The following TBCK variants were observed in gnomAD, a reference collection of about 807,000 sequenced individuals.
TBCK encodes the protein TBC1 domain containing kinase.
In TBCK, 99 loss-of-function variants were observed where a neutral mutation model predicts 113.4. The observed-to-expected ratio is 0.87, with a 90% CI of 0.74 to 1.03. The LOEUF (loss-of-function observed/expected upper bound fraction) is 1.03, where lower values mean the gene tolerates loss of function less well. Ranked by LOEUF, TBCK falls within the 50% of genes least tolerant of loss-of-function variation. The probability of loss-of-function intolerance (pLI) is 0.00; values close to 1 mark genes in which losing one functional copy is unlikely to be tolerated. For synonymous variants in TBCK, 369 were observed against 370.8 expected (o/e 1.00, Z 0.05); for missense variants, 1,045 against 1,061.3 (o/e 0.98, Z 0.21).
intron 16 of TBCK, 114 bp downstream of exon 16, chr4:106,233,474 T>G: frequency 2.6e-6 from 2 of 758,224 alleles, no homozygotes; most frequent in South Asian, 3.3e-5. Flanking sequence ...ACAATATATG[T>G]ATGCAGCAGT....
chr4:106,187,523 T>C (rs1349729646), intron 22 of TBCK, among the ~76,000 whole-genome samples: 1 of 152,070 alleles, frequency 6.6e-6, no homozygotes, highest in Non-Finnish European at 1.5e-5. Flanking sequence ...TTCAAGCTAT[T>C]CTCTTGCCTC....
intron 3 of TBCK, among the ~76,000 whole-genome samples, chr4:106,287,890 C>T (rs1469322741): frequency 2.0e-5 from 3 of 152,116 alleles, no homozygotes; most frequent in East Asian, 1.9e-4. Flanking sequence ...ATGTTCTGAT[C>T]CAAAGGAATT....
intron 3 of TBCK, among the ~76,000 whole-genome samples, chr4:106,275,462 A>G (rs1392140844): frequency 6.6e-6 from 1 of 152,182 alleles, no homozygotes; most frequent in African/African-American, 2.4e-5. Context: ...TAAGCCATAA[A>G]GGTTAAAAAA....
intron 20 of TBCK, among the ~76,000 whole-genome samples, chr4:106,199,214 A>G (rs915215459): frequency 6.6e-6 from 1 of 152,138 alleles, no homozygotes; most frequent in Non-Finnish European, 1.5e-5. Context: ...ATTAAATCTA[A>G]TGGCCAATTC....
At chr4:106,308,451 C>T (rs1470955170) in intron 2 of TBCK, among the ~76,000 whole-genome samples, 1 of 152,156 alleles carries the variant, frequency 6.6e-6, no homozygotes, top group African/African-American at 2.4e-5. Flanking sequence ...AGCAACTCAG[C>T]TTGGCTGGCA....
At chr4:106,262,354 A>G (rs1762583978) in intron 3 of TBCK, 142 bp from the exon 4 acceptor site, 3 of 500,650 alleles carry the variant, frequency 6.0e-6, no homozygotes, top group Non-Finnish European at 1.1e-5. Flanking sequence ...TAGAATCTAT[A>G]TATTTTCTAA....
chr4:106,145,114 T>A (rs1225291590), intron 23 of TBCK, among the ~76,000 whole-genome samples: 1 of 151,090 alleles, frequency 6.6e-6, no homozygotes, highest in Admixed American at 6.6e-5. Flanking sequence ...AATCAAGAGA[T>A]TGAGACCATC....
chr4:106,049,690 C>T (rs1398039320), intron 25 of TBCK, among the ~76,000 whole-genome samples: 1 of 151,514 alleles, frequency 6.6e-6, no homozygotes, highest in African/African-American at 2.4e-5. Flanking sequence ...AGAGTGCAGA[C>T]TCCACCCAGA....
At chr4:106,117,813 T>C (rs1743723047) in intron 23 of TBCK, among the ~76,000 whole-genome samples, 1 of 152,004 alleles carries the variant, frequency 6.6e-6, no homozygotes, top group Non-Finnish European at 1.5e-5. Flanking sequence ...ATGGAGACCA[T>C]CCTGGCTAAA....
At chr4:106,081,378 A>G (rs988818378) in intron 25 of TBCK, among the ~76,000 whole-genome samples, 2 of 152,180 alleles carry the variant, frequency 1.3e-5, no homozygotes, top group Non-Finnish European at 2.9e-5. Flanking sequence ...AGGGACATGG[A>G]AGGAGTTGGA....
chr4:106,264,115 C>CT (rs1346551577), intron 3 of TBCK, among the ~76,000 whole-genome samples: 1 of 151,908 alleles, frequency 6.6e-6, no homozygotes, highest in Non-Finnish European at 1.5e-5. Flanking sequence ...TCCCAAACTT[C>CT]TTATCTGTAT....
chr4:106,216,716 C>T (rs55932744), intron 19 of TBCK, among the ~76,000 whole-genome samples: 1 of 152,010 alleles, frequency 6.6e-6, no homozygotes, highest in African/African-American at 2.4e-5. Context: ...GAGATTGTGG[C>T]AATAATCAAT....
rs925024097 is a variant in TBCK, at chr4:106,044,910, C to T, written c.*1660G>A. ...CTCTTATTGAAATGTTCTGCCTAGG[C>T]AGTCTTAACATTGGAGTGGAATGTA... On this transcript the variant is annotated 3_prime_UTR_variant, in exon 26 of 26. Transcript: ENST00000394708. 2 of 152,110 alleles carry T rather than the reference C, an allele frequency of 1.3e-5. No individual in the cohort carries two copies. Among genetic ancestry groups the T allele is most frequent in the Non-Finnish European group, 2.9e-5 (2 of 68,036 alleles). 9.4% of individuals were successfully genotyped at this position (152,110 alleles called of 1,614,324 possible). A position where few individuals can be genotyped will look rare whatever the true frequency, so the allele number is the denominator to read the frequency against.
At chr4:106,315,375 T>C (rs79529024) in intron 1 of TBCK, among the ~76,000 whole-genome samples, 1,715 of 152,328 alleles carry the variant, frequency 0.011, 16 homozygotes, top group Non-Finnish European at 0.019. Flanking sequence ...GCCGATTTTA[T>C]CATGAATAAA....
chr4:106,225,888 G>A (rs186761819), intron 19 of TBCK, among the ~76,000 whole-genome samples: 38 of 152,226 alleles, frequency 2.5e-4, no homozygotes, highest in Admixed American at 5.2e-4. Context: ...AAGGCTGGCC[G>A]CAGTGGCTCA....
At chr4:106,172,858 C>T (rs1244758578) in intron 22 of TBCK, among the ~76,000 whole-genome samples, 1 of 152,002 alleles carries the variant, frequency 6.6e-6, no homozygotes, top group African/African-American at 2.4e-5. Flanking sequence ...AATTCTTCTT[C>T]CCACCTTCTA....
chr4:106,187,457 C>CA (rs1753156535), intron 22 of TBCK, among the ~76,000 whole-genome samples: 1 of 151,462 alleles, frequency 6.6e-6, no homozygotes, highest in African/African-American at 2.4e-5. Flanking sequence ...TGCTCTGTTG[C>CA]CCAGGCTGGA....
rs10005224 is a variant in TBCK at position 106,179,936 on chromosome 4, T to A, written c.2060-8666A>T. Among the ~76,000 whole-genome samples the A allele has an allele frequency of 3.7e-3, 558 of 152,222 alleles. 3 individuals carry two copies. The highest frequency in any genetic ancestry group is 0.013 in the African/African-American group (530 of 41,560). On this transcript the variant is annotated intron_variant, in intron 22 of 25. Transcript: ENST00000394708. ...GATGCTCCAGAGTTGGTTGGGTGTATATATAATTGTTATATCCTCTTGCTA... is the reference window on the plus strand; with the variant it reads ...GATGCTCCAGAGTTGGTTGGGTGTAAATATAATTGTTATATCCTCTTGCTA...
At chr4:106,166,389 A>G (rs1160901489) in intron 23 of TBCK, among the ~76,000 whole-genome samples, 1 of 151,896 alleles carries the variant, frequency 6.6e-6, no homozygotes, top group Non-Finnish European at 1.5e-5. Flanking sequence ...AAGTTTCCTC[A>G]ATTTATGTAA....
Sources: allele counts gnomAD v4.1 joint callset (sites outside exome capture counted in the v4.1 genomes callset), GRCh38; gene constraint gnomAD v4.1.1; transcripts MANE v1.5; gene names NCBI Gene and HGNC (gene_info 2026-07-23, HGNC 2026-07-21).